UHRF2: variants seen among roughly 807,000 people sequenced by gnomAD.
The protein encoded by UHRF2 is E3 ubiquitin-protein ligase UHRF2.
UHRF2 carries 23 observed loss-of-function variants against 96.8 expected under a neutral mutation model. The observed-to-expected ratio is 0.24, with a 90% confidence interval of 0.17 to 0.34. The LOEUF (loss-of-function observed/expected upper bound fraction) is 0.34, where lower values mean the gene tolerates loss of function less well. Among genes scored for constraint, UHRF2 ranks in the 10% least tolerant of loss-of-function variants. The pLI, the probability that UHRF2 is intolerant of heterozygous loss-of-function variation, is 1.00. For missense variants in UHRF2, 685 were observed against 981.5 expected, an observed-to-expected ratio of 0.70 and a Z score of 4.04; for synonymous variants, 385 against 332.6, an observed-to-expected ratio of 1.16 and a Z score of -1.72.
chr9:6,439,139 GT>G (rs1431184833), intron 3 of UHRF2, among the ~76,000 whole-genome samples: 1 of 152,172 alleles, frequency 6.6e-6, no homozygotes, highest in Non-Finnish European at 1.5e-5. Flanking sequence ...CTAGTTGCTT[GT>G]AAATGGTCCT....
intron 12 of UHRF2, 118 bp downstream of exon 12, chr9:6,498,276 A>G (rs764932990): frequency 4.5e-5 from 51 of 1,122,342 alleles, no homozygotes; most frequent in Non-Finnish European, 6.0e-5. Flanking sequence ...ATAAGGGGTG[A>G]GGAATAAGAT....
At chr9:6,505,806 G>T (rs1237902463) in intron 15 of UHRF2, among the ~76,000 whole-genome samples, 1 of 152,158 alleles carries the variant, frequency 6.6e-6, no homozygotes, top group African/African-American at 2.4e-5. Flanking sequence ...GGAAACTGAT[G>T]CACAAATTAC....
intron 3 of UHRF2, among the ~76,000 whole-genome samples, chr9:6,448,270 C>T (rs1172643429): frequency 6.6e-6 from 1 of 151,836 alleles, no homozygotes; most frequent in Non-Finnish European, 1.5e-5. Context: ...AAAAGAGCAA[C>T]CAAATACTCA....
chr9:6,493,092 G>C (rs552120397), intron 9 of UHRF2, among the ~76,000 whole-genome samples: 1 of 152,226 alleles, frequency 6.6e-6, no homozygotes, highest in East Asian at 1.9e-4. Flanking sequence ...GAGACCGGGA[G>C]TTGGAGACCA....
At chr9:6,417,778 T>A (rs1819693226) in intron 1 of UHRF2, among the ~76,000 whole-genome samples, 1 of 152,234 alleles carries the variant, frequency 6.6e-6, no homozygotes, top group Non-Finnish European at 1.5e-5. Context: ...GACATGGTGC[T>A]CTTACGACAT....
intron 3 of UHRF2, among the ~76,000 whole-genome samples, chr9:6,442,743 G>A (rs1029190880): frequency 1.3e-5 from 2 of 151,320 alleles, no homozygotes; most frequent in East Asian, 1.9e-4. Context: ...CTTTCACCTC[G>A]GCCTCCTAAA....
Position 6,493,941 on chromosome 9 carries a change from A to G in UHRF2, c.1604+9A>G, listed in dbSNP as rs190801045. 5,805 of 1,607,276 alleles carry G rather than the reference A, an allele frequency of 3.6e-3. 11 individuals are homozygous for G. The highest frequency in any genetic ancestry group is 4.1e-3 in the Non-Finnish European group (4,783 of 1,174,734). On this transcript the variant is annotated intron_variant, in intron 10 of 15. Transcript: ENST00000276893. Reference sequence around the variant, plus strand: ...TTAACAAACATGAACAGGTACTACTATAGACACTGTTTAGAATTTGAACAT... The same window carrying G: ...TTAACAAACATGAACAGGTACTACTGTAGACACTGTTTAGAATTTGAACAT...
intron 6 of UHRF2, among the ~76,000 whole-genome samples, chr9:6,478,520 T>C (rs1823726422): frequency 6.6e-6 from 1 of 152,198 alleles, no homozygotes; most frequent in Admixed American, 6.5e-5. Flanking sequence ...CCAAAATCTA[T>C]TTTTCTCCTA....
intron 4 of UHRF2, among the ~76,000 whole-genome samples, chr9:6,470,719 A>G (rs538990956): frequency 2.6e-4 from 39 of 152,322 alleles, no homozygotes; most frequent in Non-Finnish European, 5.0e-4. Context: ...TTGGGGAAGT[A>G]GTGAAAGTAA....
chr9:6,506,138 C>G lies in UHRF2; in HGVS notation c.2368C>G (p.Leu790Val), dbSNP rs755692411. 5.0e-6 allele frequency: 8 copies of G among 1,614,162 alleles called. No individual in the cohort carries two copies. The highest frequency in any genetic ancestry group is 2.2e-5 in the South Asian group (2 of 91,080). The stretch of plus-strand genomic sequence containing the variant: ...GATTCCCAATGAGATTCTGCAGACT[C>G]TACTTGACCTTTTCTTCCCTGGCTA... ...IMIPNEILQT[L>V]LDLFFPGYSK... Residue 790 changes from leucine to valine, a missense_variant, in exon 16 of 16, where the codon CTA becomes GTA. Physicochemically the swap from Leu to Val is conservative, Grantham distance 32 (BLOSUM62 1). Coordinates refer to ENST00000276893, the MANE Select transcript of UHRF2 (RefSeq NM_152896.3).
At chr9:6,469,638 C>T (rs557936920) in intron 4 of UHRF2, among the ~76,000 whole-genome samples, 1 of 140,170 alleles carries the variant, frequency 7.1e-6, no homozygotes, top group East Asian at 2.1e-4. Flanking sequence ...GAGTGTTAGA[C>T]ACATAGGACT....
chr9:6,439,040 A>T (rs954086685), intron 3 of UHRF2, among the ~76,000 whole-genome samples: 1 of 152,222 alleles, frequency 6.6e-6, no homozygotes, highest in East Asian at 1.9e-4. Flanking sequence ...TATCTCCACT[A>T]TTCCTTCAAA....
At chr9:6,500,460 T>C in intron 13 of UHRF2, 92 bp from the exon 14 acceptor site, 1 of 1,111,972 alleles carries the variant, frequency 9.0e-7, no homozygotes, top group East Asian at 2.6e-5. Context: ...ATCTTTCTGC[T>C]AAACATTACT....
Position 6,413,648 on chromosome 9 carries a change from G to A in UHRF2, c.153+5G>A. ...CTCTTCTACCGGGGCAAGCAGGTGAGGCGCGCCCGCCGCGCCCCTAGCGAG... is the reference window on the plus strand; with the variant it reads ...CTCTTCTACCGGGGCAAGCAGGTGAAGCGCGCCCGCCGCGCCCCTAGCGAG... On this transcript the variant is annotated splice_donor_5th_base_variant and intron_variant, in intron 1 of 15. Transcript: ENST00000276893. 6.4e-7 allele frequency: 1 copy of A among 1,562,608 alleles called. No homozygotes were observed. Among genetic ancestry groups the A allele is most frequent in the Non-Finnish European group, 8.6e-7 (1 of 1,158,538 alleles).
chr9:6,442,652 ATT>A (rs35764668), intron 3 of UHRF2, among the ~76,000 whole-genome samples: 4,352 of 143,900 alleles, frequency 0.03, 209 homozygotes, highest in African/African-American at 0.1. Flanking sequence ...TTAATTTTTG[ATT>A]TTTTTTTTTT....
chr9:6,442,565 A>G (rs1385293617), intron 3 of UHRF2, among the ~76,000 whole-genome samples: 1 of 151,800 alleles, frequency 6.6e-6, no homozygotes, highest in Non-Finnish European at 1.5e-5. Flanking sequence ...TGCAGCCTCG[A>G]CTTTCTGGGC....
At chr9:6,438,264 A>C (rs1820966597) in intron 3 of UHRF2, among the ~76,000 whole-genome samples, 1 of 152,202 alleles carries the variant, frequency 6.6e-6, no homozygotes, top group Non-Finnish European at 1.5e-5. Flanking sequence ...AGTAGCCAGT[A>C]AACTAGCATT....
At chr9:6,424,001 G>A (rs1351801611) in intron 2 of UHRF2, among the ~76,000 whole-genome samples, 1 of 16,776 alleles carries the variant, frequency 6.0e-5, no homozygotes, top group Non-Finnish European at 1.1e-4. Flanking sequence ...GACAGAATAG[G>A]TTAATATTTT....
intron 9 of UHRF2, among the ~76,000 whole-genome samples, chr9:6,488,310 C>T (rs1192113053): frequency 3.4e-5 from 4 of 116,942 alleles, no homozygotes; most frequent in African/African-American, 9.1e-5. Flanking sequence ...AAAAAAAATG[C>T]GGGAAGGGGA....
Sources: gnomAD v4.1 joint callset for allele counts (sites outside exome capture counted in the v4.1 genomes callset) on GRCh38, gnomAD v4.1.1 for gene constraint, MANE v1.5 for transcripts, NCBI Gene and HGNC (gene_info 2026-07-23, HGNC 2026-07-21) for gene names.